The following NALF1 variants were observed in gnomAD, a reference collection of about 807,000 sequenced individuals.
The protein encoded by NALF1 is family with sequence similarity 155 member A.
In NALF1, 3 loss-of-function variants were observed where a neutral mutation model predicts 48.4. That is an observed-to-expected ratio of 0.06 (90% CI 0.03 to 0.16). The LOEUF is 0.16. NALF1 is among the 10% of genes least tolerant of loss of function. NALF1 has a pLI of 1.00. For missense variants in NALF1, 526 were observed against 571.5 expected (o/e 0.92, Z 0.81); for synonymous variants, 262 against 245.7 (o/e 1.07, Z -0.62).
intron 1 of NALF1, among the ~76,000 whole-genome samples, chr13:107,465,313 TTATA>T (rs56340741): frequency 0.079 from 11,845 of 149,622 alleles, 885 homozygotes; most frequent in African/African-American, 0.2. Context: ...AACTGTATAA[TTATA>T]TATATATATA....
chr13:107,782,889 C>T (rs1449570177), intron 1 of NALF1, among the ~76,000 whole-genome samples: 2 of 151,548 alleles, frequency 1.3e-5, no homozygotes, highest in Non-Finnish European at 2.9e-5. Context: ...AGGAGCGTCT[C>T]CGCCCGGCAG....
chr13:107,448,046 G>A (rs1426118193), intron 1 of NALF1, among the ~76,000 whole-genome samples: 1 of 152,142 alleles, frequency 6.6e-6, no homozygotes, highest in Non-Finnish European at 1.5e-5. Flanking sequence ...CATTCTGACA[G>A]TTTCTGTAGA....
chr13:107,603,416 T>C (rs752572285), intron 1 of NALF1, among the ~76,000 whole-genome samples: 2 of 152,212 alleles, frequency 1.3e-5, no homozygotes, highest in South Asian at 2.1e-4. Context: ...AGGTTCTTTT[T>C]ATAAATTTGA....
chr13:107,601,162 T>G (rs1278273623), intron 1 of NALF1, among the ~76,000 whole-genome samples: 1 of 152,108 alleles, frequency 6.6e-6, no homozygotes, highest in Admixed American at 6.6e-5. Context: ...TGGGCCAGAT[T>G]GTGCAATGCT....
chr13:107,458,531 A>G (rs1884863460), intron 1 of NALF1, among the ~76,000 whole-genome samples: 1 of 152,208 alleles, frequency 6.6e-6, no homozygotes, highest in African/African-American at 2.4e-5. Context: ...CGCCTGGGCA[A>G]AGCCAAGGGC....
intron 1 of NALF1, among the ~76,000 whole-genome samples, chr13:107,484,089 C>T (rs1457926354): frequency 2.6e-5 from 4 of 151,852 alleles, no homozygotes; most frequent in Admixed American, 6.6e-5. Context: ...GTTCTTTGTC[C>T]ACCAGATCAC....
At chr13:107,487,306 T>C (rs9514691) in intron 1 of NALF1, among the ~76,000 whole-genome samples, 91,267 of 152,094 alleles carry the variant, frequency 0.6, 30,159 homozygotes, top group Middle Eastern at 0.78. Context: ...CACAGAGATA[T>C]CACTTGGCAA....
At chr13:107,550,090 T>C (rs866537015) in intron 1 of NALF1, among the ~76,000 whole-genome samples, 3 of 152,274 alleles carry the variant, frequency 2.0e-5, no homozygotes, top group African/African-American at 2.4e-5. Flanking sequence ...TTAGACAGCA[T>C]TGAAACCATC....
At chr13:107,634,514 C>G (rs1879922804) in intron 1 of NALF1, among the ~76,000 whole-genome samples, 1 of 151,934 alleles carries the variant, frequency 6.6e-6, no homozygotes, top group South Asian at 2.1e-4. Context: ...GTATTTGCAA[C>G]AGAAGCTTAG....
At chr13:107,241,621 C>T (rs1450503678) in intron 1 of NALF1, among the ~76,000 whole-genome samples, 1 of 152,122 alleles carries the variant, frequency 6.6e-6, no homozygotes, top group East Asian at 1.9e-4. Context: ...ATTTAAGGAT[C>T]GATACAGGCA....
chr13:107,861,795 A>C (rs528469843), intron 1 of NALF1, among the ~76,000 whole-genome samples: 5 of 152,242 alleles, frequency 3.3e-5, no homozygotes, highest in Non-Finnish European at 5.9e-5. Context: ...ATGAATCTTC[A>C]GTGTGTAACA....
chr13:107,247,188 A>G (rs1202807060), intron 1 of NALF1, among the ~76,000 whole-genome samples: 1 of 152,152 alleles, frequency 6.6e-6, no homozygotes, highest in Non-Finnish European at 1.5e-5. Context: ...CTATTTGTTG[A>G]CATACATATT....
intron 1 of NALF1, among the ~76,000 whole-genome samples, chr13:107,607,932 A>T (rs1195421339): frequency 6.6e-6 from 1 of 152,212 alleles, no homozygotes; most frequent in Non-Finnish European, 1.5e-5. Flanking sequence ...CAGAAGGATG[A>T]GCGTTCTGTC....
At chr13:107,469,847 C>A (rs576862093) in intron 1 of NALF1, among the ~76,000 whole-genome samples, 7 of 147,056 alleles carry the variant, frequency 4.8e-5, no homozygotes, top group African/African-American at 1.7e-4. Flanking sequence ...AGGTTCATGC[C>A]ATTCTCCTGC....
chr13:107,446,232 C>T (rs1009503438), intron 1 of NALF1, among the ~76,000 whole-genome samples: 21 of 152,132 alleles, frequency 1.4e-4, no homozygotes, highest in Admixed American at 1.3e-3. Flanking sequence ...CCACTGCGCC[C>T]GGCTCACATT....
chr13:107,289,005 A>T (rs1881561885), intron 1 of NALF1, among the ~76,000 whole-genome samples: 1 of 151,096 alleles, frequency 6.6e-6, no homozygotes, highest in Admixed American at 6.6e-5. Context: ...TATGAAAAAA[A>T]CTATGTGAAA....
chr13:107,227,935 T>C (rs1594079430), intron 1 of NALF1, among the ~76,000 whole-genome samples: 1 of 152,192 alleles, frequency 6.6e-6, no homozygotes, highest in Non-Finnish European at 1.5e-5. Context: ...AGAGCAATAT[T>C]TCAAAATATG....
chr13:107,572,818 T>C (rs1594136416), intron 1 of NALF1, among the ~76,000 whole-genome samples: 1 of 152,318 alleles, frequency 6.6e-6, no homozygotes, highest in African/African-American at 2.4e-5. Context: ...TTATCTCTTT[T>C]AAAAAATAAT....
At chr13:107,478,274 A>C (rs958143595) in intron 1 of NALF1, among the ~76,000 whole-genome samples, 4 of 152,214 alleles carry the variant, frequency 2.6e-5, no homozygotes, top group African/African-American at 9.6e-5. Context: ...TGCAAAACTC[A>C]AAATACTTGT....
Sources: gnomAD v4.1 joint callset for allele counts (sites outside exome capture counted in the v4.1 genomes callset) on GRCh38, gnomAD v4.1.1 for gene constraint, MANE v1.5 for transcripts, NCBI Gene and HGNC (gene_info 2026-07-23, HGNC 2026-07-21) for gene names.